Variants in LRRC4C observed in about 807,000 individuals in gnomAD.
LRRC4C encodes the protein leucine-rich repeat-containing protein 4C.
Under a neutral mutation model 33.6 loss-of-function variants are expected in LRRC4C, and 5 were observed. That is an observed-to-expected ratio of 0.15 (90% CI 0.08 to 0.31). LRRC4C has a LOEUF of 0.31. LRRC4C is among the 10% of genes least tolerant of loss of function. The pLI is 1.00. For missense variants in LRRC4C, 560 were observed against 796.7 expected, an observed-to-expected ratio of 0.70 and a Z score of 3.58; for synonymous variants, 329 against 302.0, an observed-to-expected ratio of 1.09 and a Z score of -0.93.
intron 1 of LRRC4C, among the ~76,000 whole-genome samples, chr11:41,342,385 T>C (rs1302164164): frequency 1.3e-5 from 2 of 152,204 alleles, no homozygotes; most frequent in Non-Finnish European, 2.9e-5. Flanking sequence ...CTTCCTGGAA[T>C]TATTTAGAAA....
At chr11:40,785,251 A>C (rs1301737843) in intron 2 of LRRC4C, among the ~76,000 whole-genome samples, 2 of 152,200 alleles carry the variant, frequency 1.3e-5, no homozygotes, top group Non-Finnish European at 2.9e-5. Context: ...ATGAGTAATA[A>C]CAAAAACTGG....
chr11:40,950,339 A>T (rs981137559), intron 1 of LRRC4C, among the ~76,000 whole-genome samples: 5 of 152,096 alleles, frequency 3.3e-5, no homozygotes, highest in Non-Finnish European at 5.9e-5. Flanking sequence ...TCCAAGTTAA[A>T]CAATGCTCTC....
At chr11:40,625,231 G>A (rs1460931250) in intron 3 of LRRC4C, among the ~76,000 whole-genome samples, 2 of 152,230 alleles carry the variant, frequency 1.3e-5, no homozygotes, top group African/African-American at 2.4e-5. Context: ...TCTAATTAAA[G>A]TAACTATTGT....
intron 3 of LRRC4C, among the ~76,000 whole-genome samples, chr11:40,607,520 C>T (rs972941108): frequency 2.0e-5 from 3 of 152,238 alleles, no homozygotes; most frequent in Non-Finnish European, 2.9e-5. Flanking sequence ...CAGAATGACG[C>T]AGATGGTGAG....
chr11:40,397,707 T>G (rs1413786817), intron 3 of LRRC4C, among the ~76,000 whole-genome samples: 3 of 151,998 alleles, frequency 2.0e-5, no homozygotes, highest in African/African-American at 7.2e-5. Flanking sequence ...AATGTTCAAA[T>G]GACACCTGCT....
intron 1 of LRRC4C, among the ~76,000 whole-genome samples, chr11:41,055,337 T>G (rs544851147): frequency 1.3e-5 from 2 of 152,116 alleles, no homozygotes; most frequent in South Asian, 4.1e-4. Context: ...TTTGAGTTGT[T>G]TCCAGCTTGG....
chr11:41,061,379 G>C (rs1197319422), intron 1 of LRRC4C, among the ~76,000 whole-genome samples: 2 of 152,146 alleles, frequency 1.3e-5, no homozygotes, highest in African/African-American at 4.8e-5. Flanking sequence ...CAAGGGAAGG[G>C]AGAGGTGGAG....
chr11:41,234,613 C>G (rs1304949897), intron 1 of LRRC4C, among the ~76,000 whole-genome samples: 1 of 151,872 alleles, frequency 6.6e-6, no homozygotes, highest in African/African-American at 2.4e-5. Flanking sequence ...TGGTGAATCT[C>G]TGGTAGAAAG....
At chr11:40,431,153 A>G (rs945961347) in intron 3 of LRRC4C, among the ~76,000 whole-genome samples, 22 of 151,478 alleles carry the variant, frequency 1.5e-4, no homozygotes, top group Non-Finnish European at 2.4e-4. Context: ...AAAAAAAAAA[A>G]AAGAACAATC....
At chr11:40,220,732 TTAA>T (rs1451194972) in intron 5 of LRRC4C, among the ~76,000 whole-genome samples, 3 of 152,180 alleles carry the variant, frequency 2.0e-5, no homozygotes, top group African/African-American at 4.8e-5. Flanking sequence ...TGAATGAAAC[TTAA>T]TAAAATATTA....
At chr11:41,020,977 G>T (rs1302393265) in intron 1 of LRRC4C, among the ~76,000 whole-genome samples, 1 of 152,068 alleles carries the variant, frequency 6.6e-6, no homozygotes, top group Non-Finnish European at 1.5e-5. Context: ...AGAATTCCTT[G>T]ATCTCCTGAA....
intron 2 of LRRC4C, among the ~76,000 whole-genome samples, chr11:40,655,886 G>C (rs991180057): frequency 2.0e-5 from 3 of 152,078 alleles, no homozygotes; most frequent in African/African-American, 4.8e-5. Context: ...GAAGGTGGAG[G>C]GGAAGCTAGG....
At chr11:40,448,066 A>C (rs986296364) in intron 3 of LRRC4C, among the ~76,000 whole-genome samples, 3 of 151,958 alleles carry the variant, frequency 2.0e-5, no homozygotes, top group South Asian at 4.2e-4. Context: ...TCAGTCCCCC[A>C]AAAATGCTGG....
chr11:40,950,934 A>G (rs1958665407), intron 1 of LRRC4C, among the ~76,000 whole-genome samples: 3 of 151,482 alleles, frequency 2.0e-5, no homozygotes, highest in Non-Finnish European at 4.4e-5. Context: ...ATGTCTGTAC[A>G]TACAGTTCTA....
chr11:40,973,575 A>C (rs2137017546), intron 1 of LRRC4C, among the ~76,000 whole-genome samples: 1 of 152,296 alleles, frequency 6.6e-6, no homozygotes, highest in Non-Finnish European at 1.5e-5. Flanking sequence ...GGCCCAGAGA[A>C]GGATTTAGAA....
intron 2 of LRRC4C, among the ~76,000 whole-genome samples, chr11:40,814,075 A>C (rs1438010644): frequency 6.6e-6 from 1 of 152,054 alleles, no homozygotes; most frequent in East Asian, 1.9e-4. Context: ...TCACGGTTCC[A>C]CTAGGCAGTT....
intron 1 of LRRC4C, among the ~76,000 whole-genome samples, chr11:41,343,536 C>T (rs537351511): frequency 3.3e-5 from 5 of 152,130 alleles, no homozygotes; most frequent in African/African-American, 9.6e-5. Context: ...CAATGAAGAC[C>T]TTGGCTTCTT....
chr11:40,324,809 T>A (rs571260891), intron 3 of LRRC4C, among the ~76,000 whole-genome samples: 2 of 152,316 alleles, frequency 1.3e-5, no homozygotes, highest in Non-Finnish European at 2.9e-5. Context: ...CAGGGTTTCT[T>A]AACTGAAGAG....
chr11:40,676,675 C>G (rs11036011), intron 2 of LRRC4C, among the ~76,000 whole-genome samples: 8,160 of 152,178 alleles, frequency 0.054, 717 homozygotes, highest in African/African-American at 0.19. Flanking sequence ...TTCTTTTAGG[C>G]TATATTTATC....
Sources: gnomAD v4.1 joint callset for allele counts (sites outside exome capture counted in the v4.1 genomes callset) on GRCh38, gnomAD v4.1.1 for gene constraint, MANE v1.5 for transcripts, NCBI Gene and HGNC (gene_info 2026-07-23, HGNC 2026-07-21) for gene names.